Variants in SLC35F1 observed in about 807,000 individuals in gnomAD.
SLC35F1 encodes the protein chromosome 6 open reading frame 169.
A neutral mutation model predicts 48.7 loss-of-function variants in SLC35F1; 14 were observed. That is an observed-to-expected ratio of 0.29 (90% CI 0.19 to 0.45). SLC35F1 has a LOEUF of 0.45. Among genes scored for constraint, SLC35F1 ranks in the 20% least tolerant of loss-of-function variants. The pLI, the probability that SLC35F1 is intolerant of heterozygous loss-of-function variation, is 1.00. For synonymous variants in SLC35F1, 190 were observed against 202.2 expected (o/e 0.94, Z 0.51); for missense variants, 404 against 500.0 (o/e 0.81, Z 1.83).
At chr6:118,129,726 A>AC (rs1223968764) in intron 1 of SLC35F1, among the ~76,000 whole-genome samples, 2 of 152,194 alleles carry the variant, frequency 1.3e-5, no homozygotes, top group African/African-American at 4.8e-5. Flanking sequence ...GGAAGTCCTT[A>AC]CCTTAATTTT....
At chr6:118,190,706 T>C (rs1201877480) in intron 2 of SLC35F1, among the ~76,000 whole-genome samples, 2 of 152,160 alleles carry the variant, frequency 1.3e-5, no homozygotes, top group Non-Finnish European at 1.5e-5. Context: ...GTTCTACTAT[T>C]GTGACTATGG....
At chr6:118,218,297 A>G (rs928853124) in intron 2 of SLC35F1, among the ~76,000 whole-genome samples, 3 of 152,130 alleles carry the variant, frequency 2.0e-5, no homozygotes, top group Non-Finnish European at 4.4e-5. Flanking sequence ...GAGAAGCTTC[A>G]TTTCTCAGCT....
At chr6:118,030,539 A>T (rs770279632) in intron 1 of SLC35F1, among the ~76,000 whole-genome samples, 4 of 152,122 alleles carry the variant, frequency 2.6e-5, no homozygotes, top group Non-Finnish European at 5.9e-5. Context: ...TTGGCTTAGG[A>T]TCTCTTAAAA....
chr6:117,913,356 T>G (rs2760236), intron 1 of SLC35F1, among the ~76,000 whole-genome samples: 16,173 of 152,248 alleles, frequency 0.11, 2,053 homozygotes, highest in African/African-American at 0.3. Context: ...TCTTATGGAA[T>G]ACACACATGT....
intron 7 of SLC35F1, among the ~76,000 whole-genome samples, chr6:118,310,435 G>A (rs559978551): frequency 5.9e-4 from 90 of 152,178 alleles, no homozygotes; most frequent in Non-Finnish European, 1.2e-3. Flanking sequence ...ATCCAGAATA[G>A]GGGATCATTC....
rs756366948 is a variant in SLC35F1, at chr6:118,267,090, C to T, written c.573C>T (p.Val191=). The change falls in exon 4 of 8, where the codon GTC becomes GTT. Residue 191 remains valine (V), a synonymous_variant. Transcript: ENST00000360388. ...CTGTGCATTTCATCGGCATCGTTGT[C>T]TGCATCCTGGGAATGGGCTGCATGG... ...YKAVHFIGIV[V]CILGMGCMVG... 9.9e-6 allele frequency: 16 copies of T among 1,613,904 alleles called. No homozygotes were observed. The highest frequency in any genetic ancestry group is 1.2e-5 in the Non-Finnish European group (14 of 1,179,938).
chr6:118,223,430 A>G (rs1775177114), intron 2 of SLC35F1, among the ~76,000 whole-genome samples: 5 of 152,180 alleles, frequency 3.3e-5, no homozygotes. Context: ...GCCTCATTTT[A>G]TAAATAGTAG....
intron 1 of SLC35F1, among the ~76,000 whole-genome samples, chr6:117,919,131 C>T (rs140990845): frequency 1.5e-3 from 224 of 152,116 alleles, no homozygotes; most frequent in Admixed American, 3.1e-3. Context: ...ACTGGGTTCA[C>T]GTGATGTTCC....
At chr6:117,949,815 A>C (rs1488361013) in intron 1 of SLC35F1, among the ~76,000 whole-genome samples, 1 of 152,098 alleles carries the variant, frequency 6.6e-6, no homozygotes, top group East Asian at 1.9e-4. Flanking sequence ...GAAGAGCCAC[A>C]GAGGATTTAC....
intron 1 of SLC35F1, among the ~76,000 whole-genome samples, chr6:118,120,620 A>G (rs926171829): frequency 6.6e-6 from 1 of 152,146 alleles, no homozygotes; most frequent in African/African-American, 2.4e-5. Context: ...ACCTTTTCTC[A>G]AGATAATTCA....
chr6:118,006,757 C>G (rs1341402789), intron 1 of SLC35F1, among the ~76,000 whole-genome samples: 1 of 151,956 alleles, frequency 6.6e-6, no homozygotes, highest in South Asian at 2.1e-4. Flanking sequence ...ATGTAAAGTA[C>G]ACACAATAAA....
chr6:118,027,645 T>G (rs9320625), intron 1 of SLC35F1, among the ~76,000 whole-genome samples: 1 of 151,810 alleles, frequency 6.6e-6, no homozygotes, highest in African/African-American at 2.4e-5. Context: ...TAAAAAAAGT[T>G]TGGATGGTTT....
In SLC35F1 at chr6:118,192,676, A is replaced by T. The variant is rs111367727; in HGVS notation, c.349+38056A>T. ...GACATATTAGAATTTTAGAAATCCC[A>T]TACAATTTTGGAACATATTGATGGT... is the stretch of plus-strand genomic sequence containing the variant. On this transcript the variant is annotated intron_variant, in intron 2 of 7. Coordinates refer to ENST00000360388, the MANE Select transcript of SLC35F1 (RefSeq NM_001029858.4). Among the ~76,000 whole-genome samples, 847 of 152,292 alleles carry T rather than the reference A, an allele frequency of 5.6e-3. 2 individuals carry two copies. The highest frequency in any genetic ancestry group is 8.2e-3 in the Non-Finnish European group (557 of 68,008).
intron 1 of SLC35F1, among the ~76,000 whole-genome samples, chr6:117,991,897 AT>A (rs1220767628): frequency 1.3e-5 from 2 of 152,030 alleles, no homozygotes; most frequent in Non-Finnish European, 2.9e-5. Context: ...CCAACTGAAC[AT>A]TTTTTTCTCA....
At chr6:118,154,399 G>A (rs771185493) in intron 1 of SLC35F1, 46 bp from the exon 2 acceptor site, 3 of 1,542,098 alleles carry the variant, frequency 1.9e-6, no homozygotes, top group Non-Finnish European at 1.8e-6. Flanking sequence ...TGTTTTAATG[G>A]GCTTCCTGCT....
chr6:118,316,467 A>C lies in SLC35F1; in HGVS notation c.*2215A>C, dbSNP rs1776439072. ...AGACTGTGGTTTTATTTTTGTGTTT[A>C]CATTCCTTTGGTTTGAATAATTTGC... On this transcript the variant is annotated 3_prime_UTR_variant, in exon 8 of 8. Transcript: ENST00000360388. 1 of 152,660 alleles carries C rather than the reference A, an allele frequency of 6.6e-6. No homozygotes were observed. Among genetic ancestry groups the C allele is most frequent in the South Asian group, 2.1e-4 (1 of 4,830 alleles). The allele number at this position is 152,660 out of a possible 1,614,324, so 9.5% of individuals were successfully genotyped here.
At chr6:117,920,878 T>C (rs950991666) in intron 1 of SLC35F1, among the ~76,000 whole-genome samples, 1 of 152,084 alleles carries the variant, frequency 6.6e-6, no homozygotes, top group African/African-American at 2.4e-5. Flanking sequence ...ATCTTGACCT[T>C]TTGTGTCCTA....
intron 1 of SLC35F1, among the ~76,000 whole-genome samples, chr6:118,063,425 G>T (rs773233279): frequency 6.6e-6 from 1 of 152,072 alleles, no homozygotes; most frequent in African/African-American, 2.4e-5. Flanking sequence ...GTCTGTAAGG[G>T]AAATTACACA....
At chr6:118,287,608 T>TG (rs1327012300) in intron 7 of SLC35F1, among the ~76,000 whole-genome samples, 4 of 152,190 alleles carry the variant, frequency 2.6e-5, no homozygotes, top group African/African-American at 9.6e-5. Flanking sequence ...GAGATGTGTC[T>TG]GGGGGAGTCT....
Sources: gnomAD v4.1 joint callset for allele counts (sites outside exome capture counted in the v4.1 genomes callset) on GRCh38, gnomAD v4.1.1 for gene constraint, MANE v1.5 for transcripts, NCBI Gene and HGNC (gene_info 2026-07-23, HGNC 2026-07-21) for gene names.